PRKAG2: variants seen among roughly 807,000 people sequenced by gnomAD.
PRKAG2 encodes the protein protein kinase AMP-activated non-catalytic subunit gamma 2, also known as 5'-AMP-activated protein kinase subunit gamma-2.
In PRKAG2, 26 loss-of-function variants were observed where a neutral mutation model predicts 69.6. That is an observed-to-expected ratio of 0.37 (90% CI 0.27 to 0.52). PRKAG2 has a LOEUF of 0.52. Among genes scored for constraint, PRKAG2 ranks in the 20% least tolerant of loss-of-function variants. The pLI is 0.90. For missense variants in PRKAG2, 557 were observed against 740.0 expected (o/e 0.75, Z 2.87); for synonymous variants, 293 against 285.0 (o/e 1.03, Z -0.28).
At chr7:151,678,265 C>A (rs907404132) in intron 3 of PRKAG2, among the ~76,000 whole-genome samples, 8 of 152,360 alleles carry the variant, frequency 5.3e-5, no homozygotes, top group Admixed American at 6.5e-5. Flanking sequence ...CAAGATCTAC[C>A]GTCTGTCTTG....
chr7:151,731,673 G>A (rs910734776), intron 3 of PRKAG2, among the ~76,000 whole-genome samples: 1 of 152,174 alleles, frequency 6.6e-6, no homozygotes, highest in Non-Finnish European at 1.5e-5. Flanking sequence ...GGAGCCCGTG[G>A]TTCCTGGAAA....
chr7:151,611,138 AGAAG>A, intron 5 of PRKAG2, among the ~76,000 whole-genome samples: 1 of 152,302 alleles, frequency 6.6e-6, no homozygotes, highest in Middle Eastern at 3.4e-3. Context: ...TTAAGTCAAA[AGAAG>A]GAACAGAGAA....
chr7:151,570,992 C>T (rs1422990144), intron 9 of PRKAG2, among the ~76,000 whole-genome samples: 4 of 151,532 alleles, frequency 2.6e-5, no homozygotes, highest in African/African-American at 2.4e-5. Context: ...GCTGGTCTCG[C>T]ACTCCTGACC....
Position 151,719,166 on chromosome 7 carries a change from G to A in PRKAG2, c.467-43529C>T, listed in dbSNP as rs907938939. ...AGATGTATCTTGCAACCAGCTCAGC[G>A]GTGGAAGCAGTGGAAGTGCAGACAG... On this transcript the variant is annotated intron_variant, in intron 3 of 15. Transcript: ENST00000287878. The surrounding 1 kb of genome is among the most constrained non-coding windows in gnomAD (Gnocchi z 5.2). 3.9e-5 allele frequency among the ~76,000 whole-genome samples: 6 copies of A among 152,160 alleles called. No individual in the cohort carries two copies. Among genetic ancestry groups the A allele is most frequent in the Non-Finnish European group, 7.3e-5 (5 of 68,042 alleles).
intron 3 of PRKAG2, among the ~76,000 whole-genome samples, chr7:151,728,667 G>C (rs1262205072): frequency 6.6e-6 from 1 of 152,164 alleles, no homozygotes; most frequent in Non-Finnish European, 1.5e-5. Flanking sequence ...TGCAGTCCTG[G>C]AATTGTTTGT....
intron 1 of PRKAG2, among the ~76,000 whole-genome samples, chr7:151,815,498 G>A (rs564753767): frequency 2.0e-5 from 3 of 152,262 alleles, no homozygotes; most frequent in East Asian, 1.9e-4. Context: ...GACAGCTAGG[G>A]ACAGCCCCTG....
intron 1 of PRKAG2, among the ~76,000 whole-genome samples, chr7:151,825,052 A>C (rs995937294): frequency 6.9e-5 from 1 of 14,564 alleles, no homozygotes; most frequent in African/African-American, 7.5e-5. Flanking sequence ...TCTCTACTAA[A>C]AATACAAAAA....
chr7:151,630,414 A>G (rs1269041841), intron 5 of PRKAG2, among the ~76,000 whole-genome samples: 1 of 152,272 alleles, frequency 6.6e-6, no homozygotes, highest in Non-Finnish European at 1.5e-5. Context: ...CTTAAGCGAT[A>G]ATAGTAACTA....
At chr7:151,746,568 G>A (rs1383404292) in intron 3 of PRKAG2, among the ~76,000 whole-genome samples, 1 of 152,220 alleles carries the variant, frequency 6.6e-6, no homozygotes, top group Non-Finnish European at 1.5e-5. Context: ...CACAAACAGA[G>A]GACATGGCCA....
chr7:151,639,948 T>C (rs1826405773), intron 4 of PRKAG2, among the ~76,000 whole-genome samples: 1 of 152,216 alleles, frequency 6.6e-6, no homozygotes, highest in Non-Finnish European at 1.5e-5. Flanking sequence ...CATCCGTTTC[T>C]ATCATCTATC....
At chr7:151,725,243 G>A (rs1046699655) in intron 3 of PRKAG2, among the ~76,000 whole-genome samples, 1 of 152,084 alleles carries the variant, frequency 6.6e-6, no homozygotes, top group Non-Finnish European at 1.5e-5. Flanking sequence ...CCACACACAC[G>A]AAGGACATCT....
intron 4 of PRKAG2, among the ~76,000 whole-genome samples, chr7:151,637,622 C>T (rs976947503): frequency 6.6e-6 from 1 of 151,444 alleles, no homozygotes; most frequent in African/African-American, 2.4e-5. Flanking sequence ...GAATTTATTT[C>T]TACAGGTTTT....
chr7:151,735,609 C>T (rs1586169935), intron 3 of PRKAG2, among the ~76,000 whole-genome samples: 1 of 152,218 alleles, frequency 6.6e-6, no homozygotes, highest in Admixed American at 6.5e-5. Flanking sequence ...CCCTGAGCCA[C>T]AGTTTTTGCA....
In PRKAG2 at chr7:151,558,956, C is replaced by T. The variant is rs528174242; in HGVS notation, c.1678+1568G>A. On this transcript the variant is annotated intron_variant, in intron 15 of 15. Transcript: ENST00000287878. The stretch of plus-strand genomic sequence containing the variant: ...ACTCTTTTTGTAATGCCCAAAGAGA[C>T]AGACAAGAGCTGACATTCAGCCTGA... 37 of 985,436 alleles carry T rather than the reference C, an allele frequency of 3.8e-5. No homozygotes were observed. The African/African-American group carries it at 4.7e-4, about 13-fold the overall frequency. 61.0% of individuals were successfully genotyped at this position (985,436 alleles called of 1,614,324 possible). A position where few individuals can be genotyped will look rare whatever the true frequency, so the allele number is the denominator to read the frequency against.
intron 3 of PRKAG2, among the ~76,000 whole-genome samples, chr7:151,722,892 C>A (rs1057285476): frequency 4.6e-5 from 7 of 152,116 alleles, no homozygotes; most frequent in African/African-American, 1.7e-4. Flanking sequence ...TCCAGCTGCT[C>A]CCCATTTCTG....
chr7:151,875,267 T>C lies in PRKAG2; in HGVS notation c.114+1240A>G, dbSNP rs547210853. On this transcript the variant is annotated intron_variant, in intron 1 of 15. Coordinates refer to ENST00000287878, the MANE Select transcript of PRKAG2 (RefSeq NM_016203.4). ...CCCTGTGGGGCTACTTGGCATCAGG[T>C]GTCTGGAGACCCGCCCCTGGACTCC... is the stretch of plus-strand genomic sequence containing the variant. 1.1e-4 allele frequency among the ~76,000 whole-genome samples: 16 copies of C among 149,740 alleles called. No individual in the cohort carries two copies. The South Asian group carries it at 3.0e-3, about 28-fold the overall frequency.
intron 1 of PRKAG2, among the ~76,000 whole-genome samples, chr7:151,845,268 A>G (rs1050955560): frequency 6.6e-6 from 1 of 152,068 alleles, no homozygotes; most frequent in Non-Finnish European, 1.5e-5. Flanking sequence ...AGACGTTGTT[A>G]GTGGAGAAAA....
At chr7:151,844,162 TAGAG>T (rs1319950805) in intron 1 of PRKAG2, among the ~76,000 whole-genome samples, 3 of 152,158 alleles carry the variant, frequency 2.0e-5, no homozygotes, top group Admixed American at 6.5e-5. Context: ...GCTGCAGAGA[TAGAG>T]AAAGAGCGTG....
At chr7:151,808,902 G>A (rs1395029787) in intron 1 of PRKAG2, among the ~76,000 whole-genome samples, 1 of 152,178 alleles carries the variant, frequency 6.6e-6, no homozygotes, top group Admixed American at 6.5e-5. Context: ...TAACGCCGCA[G>A]TGGGGCACTT....
Sources: allele counts gnomAD v4.1 joint callset (sites outside exome capture counted in the v4.1 genomes callset), GRCh38; gene constraint gnomAD v4.1.1; non-coding constraint Gnocchi (gnomAD v3.1); transcripts MANE v1.5; gene names NCBI Gene and HGNC (gene_info 2026-07-23, HGNC 2026-07-21).